DTL: variants seen among roughly 807,000 people sequenced by gnomAD.
The protein encoded by DTL is denticleless E3 ubiquitin protein ligase adapter.
In DTL, 46 loss-of-function variants were observed where a neutral mutation model predicts 87.0. The observed-to-expected ratio is 0.53, with a 90% CI of 0.42 to 0.68. DTL has a LOEUF of 0.68. DTL is among the 30% of genes least tolerant of loss of function. The probability of loss-of-function intolerance (pLI) is 0.00; values close to 1 mark genes in which losing one functional copy is unlikely to be tolerated. For synonymous variants in DTL, 308 were observed against 311.2 expected (o/e 0.99, Z 0.11); for missense variants, 737 against 869.4 (o/e 0.85, Z 1.91).
rs566501897 is a variant in DTL, at chr1:212,051,275, G to GCAATGC, written c.460+3861_460+3866dup. 5.1e-3 allele frequency among the ~76,000 whole-genome samples: 778 copies of GCAATGC among 151,752 alleles called. 10 individuals carry two copies. Among genetic ancestry groups the GCAATGC allele is most frequent in the African/African-American group, 0.018 (755 of 41,374 alleles). ...TCCCTGAACTCATGATTTCTCCCTG[G>GCAATGC]CAATGCCATCTTTTTCCTCTCCTCT... On this transcript the variant is annotated intron_variant, in intron 5 of 14. Transcript: ENST00000366991.
At position 212,043,307 on chromosome 1, in the gene DTL, C is replaced by T. The variant is rs557019045; in HGVS notation, c.178+189C>T. 1.1e-4 allele frequency among the ~76,000 whole-genome samples: 17 copies of T among 152,286 alleles called. 1 individual carries two copies. In the South Asian group the frequency reaches 3.5e-3, roughly 32 times the overall value. On this transcript the variant is annotated intron_variant, in intron 2 of 14. Coordinates refer to ENST00000366991, the MANE Select transcript of DTL (RefSeq NM_016448.4). The stretch of plus-strand genomic sequence containing the variant: ...TAATCTCTATACATCATTAGCATAA[C>T]TATATTTCCTCTAAAGCATAGGACT...
intron 3 of DTL, among the ~76,000 whole-genome samples, chr1:212,046,688 CATT>C (rs1667817797): frequency 2.0e-5 from 3 of 152,200 alleles, no homozygotes; most frequent in African/African-American, 7.2e-5. Flanking sequence ...TCCAATCTAT[CATT>C]GATGGGCATT....
Position 212,044,707 on chromosome 1 carries a change from G to T in DTL, c.226G>T (p.Val76Phe), listed in dbSNP as rs1448239726. The T allele has an allele frequency of 7.4e-6, 12 of 1,613,314 alleles. No individual in the cohort carries two copies. The Admixed American group carries it at 2.0e-4, about 27-fold the overall frequency. The change falls in exon 3 of 15, where the codon GTT becomes TTT. Residue 76 changes from valine to phenylalanine, a missense_variant. Physicochemically the swap from Val to Phe is conservative, Grantham distance 50. Coordinates refer to ENST00000366991, the MANE Select transcript of DTL (RefSeq NM_016448.4). ...VLAVANEEGF[V>F]RLYNTESQSF... ...AGCAGTTGCCAATGAAGAAGGCTTT[G>T]TTCGATTGTATAACACAGAATCACA... is the stretch of plus-strand genomic sequence containing the variant.
Position 212,084,528 on chromosome 1 carries a change from G to A in DTL, c.1261+3778G>A, listed in dbSNP as rs1655075321. The stretch of plus-strand genomic sequence containing the variant: ...TTAATTTAGTATTACAGTTTAATAA[G>A]TCAGCTAGTTCTACAACAGTGAATA... On this transcript the variant is annotated intron_variant, in intron 13 of 14. Coordinates refer to ENST00000366991, the MANE Select transcript of DTL (RefSeq NM_016448.4). Among the ~76,000 whole-genome samples the A allele has an allele frequency of 2.0e-5, 3 of 152,096 alleles. No homozygotes were observed. In the South Asian group the frequency reaches 6.2e-4, roughly 32 times the overall value.
chr1:212,066,807 A>G lies in DTL; in HGVS notation c.640-5A>G, dbSNP rs751113290. The G allele has an allele frequency of 2.5e-6, 4 of 1,613,142 alleles. No individual in the cohort carries two copies. Among genetic ancestry groups the G allele is most frequent in the Non-Finnish European group, 2.5e-6 (3 of 1,179,178 alleles). ...TAGAATCTTCTTCTTTTCTTGTGCT[A>G]TCAGGATTTCCAGCAAAGTGTTACT... On this transcript the variant is annotated splice_polypyrimidine_tract_variant and splice_region_variant and intron_variant, in intron 7 of 14. Transcript: ENST00000366991.
At position 212,035,951 on chromosome 1, in the gene DTL, C is replaced by A; in HGVS notation, c.52+9C>A. On this transcript the variant is annotated intron_variant, in intron 1 of 14. Coordinates refer to ENST00000366991, the MANE Select transcript of DTL (RefSeq NM_016448.4). ...TGGCGTCCTGAGAAATGGTGAGTAA[C>A]GGTCCCAACCGCTGCTCGGAGCTGG... 6.2e-7 allele frequency: 1 copy of A among 1,613,810 alleles called. No individual in the cohort carries two copies. Among genetic ancestry groups the A allele is most frequent in the Non-Finnish European group, 8.5e-7 (1 of 1,179,726 alleles).
intron 13 of DTL, among the ~76,000 whole-genome samples, chr1:212,086,039 A>T (rs1027202480): frequency 6.6e-6 from 1 of 152,168 alleles, no homozygotes; most frequent in Non-Finnish European, 1.5e-5. Context: ...GCTTTGTAGT[A>T]GGTTTTGAAA....
chr1:212,062,349 A>G (rs748207465), intron 5 of DTL, among the ~76,000 whole-genome samples: 5 of 152,330 alleles, frequency 3.3e-5, no homozygotes, highest in Non-Finnish European at 7.3e-5. Flanking sequence ...ATCCCATTGC[A>G]TCCCAGGCAA....
At chr1:212,047,780 C>T (rs1667850715) in intron 5 of DTL, among the ~76,000 whole-genome samples, 1 of 152,216 alleles carries the variant, frequency 6.6e-6, no homozygotes, top group Non-Finnish European at 1.5e-5. Flanking sequence ...AGGCAATCCA[C>T]CTGCCTCAGC....
intron 5 of DTL, among the ~76,000 whole-genome samples, chr1:212,048,017 ATT>A (rs1339939614): frequency 2.0e-5 from 3 of 152,146 alleles, no homozygotes; most frequent in Non-Finnish European, 4.4e-5. Context: ...TTCAACCTTG[ATT>A]GTTCATTGAA....
At chr1:212,059,328 A>G (rs188228720) in intron 5 of DTL, among the ~76,000 whole-genome samples, 25 of 152,266 alleles carry the variant, frequency 1.6e-4, no homozygotes, top group African/African-American at 6.0e-4. Context: ...ACCATGATCA[A>G]GTGGGATTTA....
chr1:212,081,038 A>T (rs1290957431), intron 13 of DTL, among the ~76,000 whole-genome samples: 1 of 152,200 alleles, frequency 6.6e-6, no homozygotes, highest in Non-Finnish European at 1.5e-5. Flanking sequence ...AAGAATAAAA[A>T]ATCCTGAAGA....
chr1:212,100,171 G>A, intron 13 of DTL, 81 bp from the exon 14 acceptor site: 2 of 1,072,964 alleles, frequency 1.9e-6, no homozygotes, highest in Non-Finnish European at 2.7e-6. Flanking sequence ...GATTAGGTTA[G>A]CTATGATTTT....
At position 212,065,041 on chromosome 1, in the gene DTL, C is replaced by T. The variant is rs1253525481; in HGVS notation, c.639+12C>T. 2.6e-6 allele frequency: 4 copies of T among 1,562,096 alleles called. No homozygotes were observed. The highest frequency in any genetic ancestry group is 3.5e-6 in the Non-Finnish European group (4 of 1,132,770). On this transcript the variant is annotated intron_variant, in intron 7 of 14. Transcript: ENST00000366991. Reference sequence around the variant, plus strand: ...TTGCTCCTTCTGTGGTAAGGTTTTACAGATGTATACATGTGTGCAGATCTT... The same window carrying T: ...TTGCTCCTTCTGTGGTAAGGTTTTATAGATGTATACATGTGTGCAGATCTT...
intron 5 of DTL, among the ~76,000 whole-genome samples, chr1:212,055,405 A>G (rs1668139292): frequency 6.6e-6 from 1 of 151,986 alleles, no homozygotes; most frequent in South Asian, 2.1e-4. Context: ...GGTCCCACAA[A>G]CCCTCAAGTC....
intron 13 of DTL, among the ~76,000 whole-genome samples, chr1:212,082,460 C>T (rs1344444118): frequency 6.6e-6 from 1 of 151,810 alleles, no homozygotes; most frequent in Non-Finnish European, 1.5e-5. Context: ...TTGGCAGGAT[C>T]GTATAGAGAG....
intron 5 of DTL, among the ~76,000 whole-genome samples, chr1:212,047,941 C>G (rs1279604825): frequency 1.3e-5 from 2 of 152,204 alleles, no homozygotes; most frequent in Non-Finnish European, 1.5e-5. Context: ...AGTCAAGAGT[C>G]TTTGATAAGT....
At chr1:212,075,424 T>G (rs529114625) in intron 11 of DTL, among the ~76,000 whole-genome samples, 1 of 152,262 alleles carries the variant, frequency 6.6e-6, no homozygotes, top group African/African-American at 2.4e-5. Context: ...GACTTAATAG[T>G]CGCCTTCCTA....
chr1:212,083,841 T>C (rs916698116), intron 13 of DTL, among the ~76,000 whole-genome samples: 1 of 152,218 alleles, frequency 6.6e-6, no homozygotes, highest in Non-Finnish European at 1.5e-5. Context: ...CCTTGTGGAA[T>C]GCTCACTTTC....
Sources: gnomAD v4.1 joint callset for allele counts (sites outside exome capture counted in the v4.1 genomes callset) on GRCh38, gnomAD v4.1.1 for gene constraint, MANE v1.5 for transcripts, NCBI Gene and HGNC (gene_info 2026-07-23, HGNC 2026-07-21) for gene names.